The following CYP17A1 variants were observed in gnomAD, a reference collection of about 807,000 sequenced individuals.
CYP17A1 encodes the protein steroid 17-alpha-hydroxylase/17,20 lyase.
Under a neutral mutation model 38.5 loss-of-function variants are expected in CYP17A1, and 27 were observed. That is an observed-to-expected ratio of 0.70 (90% CI 0.52 to 0.97). The LOEUF is 0.97. Among genes scored for constraint, CYP17A1 ranks in the 50% least tolerant of loss-of-function variants. The pLI is 0.00. For synonymous variants in CYP17A1, 263 were observed against 253.3 expected, an observed-to-expected ratio of 1.04 and a Z score of -0.36; for missense variants, 549 against 645.9, an observed-to-expected ratio of 0.85 and a Z score of 1.63.
intron 3 of CYP17A1, chr10:102,834,517 T>C (rs1844134160): frequency 8.5e-6 from 5 of 585,082 alleles, no homozygotes; most frequent in Admixed American, 3.0e-5. Context: ...CAGCGATGAA[T>C]GCGTATAGAA....
rs767962487 is a variant in CYP17A1, at chr10:102,834,968, G to T, written c.483C>A (p.Asn161Lys). 1 of 1,611,226 alleles carries T rather than the reference G, an allele frequency of 6.2e-7. No homozygotes were observed. Among genetic ancestry groups the T allele is most frequent in the Admixed American group, 1.7e-5 (1 of 59,994 alleles). Residue 161 changes from asparagine (N) to lysine (K), a missense_variant, in exon 3 of 8, where the codon AAC becomes AAA. Physicochemically the swap from Asn to Lys is moderately conservative, Grantham distance 94 (BLOSUM62 0). Transcript: ENST00000369887. ...GAAAGGAGATGTCTATGGACTGTCC[G>T]TTGTGGGTGGCCAGCATATCACACA... ...STLCDMLATH[N>K]GQSIDISFPV...
intron 7 of CYP17A1, 140 bp from the exon 8 acceptor site, chr10:102,831,125 G>T (rs1310444208): frequency 5.6e-6 from 4 of 718,948 alleles, no homozygotes; most frequent in Non-Finnish European, 1.0e-5. Flanking sequence ...GGGAACCCCC[G>T]CCTGGGGAGA....
intron 7 of CYP17A1, 152 bp downstream of exon 7, chr10:102,831,356 G>C: frequency 7.5e-7 from 1 of 1,338,140 alleles, no homozygotes; most frequent in Non-Finnish European, 1.0e-6. Context: ...GTTTGGGTAA[G>C]TCTATGGCAG....
intron 1 of CYP17A1, chr10:102,836,845 T>A (rs374249418): frequency 9.0e-4 from 529 of 587,356 alleles, no homozygotes; most frequent in African/African-American, 7.6e-3. Flanking sequence ...TCCCACCTCC[T>A]GGGCAGCCTG....
chr10:102,833,995 C>G (rs1489861261), intron 4 of CYP17A1, 41 bp downstream of exon 4: 2 of 883,504 alleles, frequency 2.3e-6, no homozygotes, highest in Admixed American at 3.4e-5. Flanking sequence ...CTTGTGATTA[C>G]TTTTAGCCTA....
In CYP17A1 at chr10:102,830,733, C is replaced by T; in HGVS notation, c.1496G>A (p.Trp499Ter). Residue 499 changes from tryptophan to a stop codon, truncating the protein, a stop_gained, in exon 8 of 8, where the codon TGG (tryptophan) becomes TAG (stop). Coordinates refer to ENST00000369887, the MANE Select transcript of CYP17A1 (RefSeq NM_000102.4). LOFTEE classifies it high-confidence loss of function. This position sits in a 1 kb window ranked among gnomAD's most constrained non-coding sequence, Gnocchi z 4.1. The stretch of plus-strand genomic sequence containing the variant: ...GCTACCCTCAGCCTGGGCTTCCCTC[C>T]AGGCCTGGCGCACCTTGATCTTCAC... ...FKVKIKVRQA[W>*]REAQAEGST The T allele has an allele frequency of 6.2e-7, 1 of 1,603,652 alleles. No individual in the cohort carries two copies. Among genetic ancestry groups the T allele is most frequent in the Non-Finnish European group, 8.5e-7 (1 of 1,172,742 alleles).
intron 3 of CYP17A1, 65 bp from the exon 4 acceptor site, chr10:102,834,187 C>A: frequency 1.2e-6 from 1 of 812,722 alleles, no homozygotes; most frequent in South Asian, 1.4e-5. Context: ...CTGCCAGAGT[C>A]TCTCCTGGAG....
At chr10:102,835,923 G>GCAGAT (rs1297309565) in intron 1 of CYP17A1, among the ~76,000 whole-genome samples, 1 of 152,180 alleles carries the variant, frequency 6.6e-6, no homozygotes, top group Non-Finnish European at 1.5e-5. Context: ...TTTGGAGAGT[G>GCAGAT]CAGATGTTTT....
rs970242783 is a variant in CYP17A1 at position 102,835,112 on chromosome 10, G to C, written c.437-98C>G. 2.8e-6 allele frequency: 3 copies of C among 1,078,408 alleles called. No homozygotes were observed. In the South Asian group the frequency reaches 3.8e-5, roughly 14 times the overall value. The allele number at this position is 1,078,408 out of a possible 1,614,324, so 66.8% of individuals were successfully genotyped here. A position where few individuals can be genotyped will look rare whatever the true frequency, so the allele number is the denominator to read the frequency against. On this transcript the variant is annotated intron_variant, in intron 2 of 7. Coordinates refer to ENST00000369887, the MANE Select transcript of CYP17A1 (RefSeq NM_000102.4). ...TAACAGGAGCGGGGGACAGATAGCA[G>C]ATGGCCACTAGATGGCAGCAGTAGC...
In CYP17A1 at chr10:102,837,353, C is replaced by T. The variant is rs774474909; in HGVS notation, c.9G>A (p.Glu3=). Reference sequence around the variant, plus strand: ...GGGTAAGCAGCAAGAGAGCCACGAGCTCCCACATGGTGGCTGGGTGCCGGC... The same window carrying T: ...GGGTAAGCAGCAAGAGAGCCACGAGTTCCCACATGGTGGCTGGGTGCCGGC... The part of the protein sequence containing the change: MW[E]LVALLLLTLA... The change falls in exon 1 of 8, where the codon GAG becomes GAA. Residue 3 remains glutamate (E), a synonymous_variant. Transcript: ENST00000369887. 1 of 1,609,128 alleles carries T rather than the reference C, an allele frequency of 6.2e-7. No homozygotes were observed. Among genetic ancestry groups the T allele is most frequent in the Non-Finnish European group, 8.5e-7 (1 of 1,175,486 alleles).
In CYP17A1 at chr10:102,830,963, C is replaced by A; in HGVS notation, c.1266G>T (p.Gly422=). 1 of 1,577,628 alleles carries A rather than the reference C, an allele frequency of 6.3e-7. No homozygotes were observed. Among genetic ancestry groups the A allele is most frequent in the South Asian group, 1.2e-5 (1 of 86,572 alleles). Residue 422 remains glycine (G), a synonymous_variant, in exon 8 of 8, where the codon GGG becomes GGT. Coordinates refer to ENST00000369887, the MANE Select transcript of CYP17A1 (RefSeq NM_000102.4). This position sits in a 1 kb window ranked among gnomAD's most constrained non-coding sequence, Gnocchi z 4.1. ...FMPERFLNPA[G]TQLISPSVSY... is the part of the protein sequence containing the mutation. ...TTACTGACGGTGAGATGAGCTGGGT[C>A]CCCGCTGGATTCAAGAAACGCTCTG...
At chr10:102,834,252 C>G in intron 3 of CYP17A1, 130 bp from the exon 4 acceptor site, 1 of 697,134 alleles carries the variant, frequency 1.4e-6, no homozygotes. Flanking sequence ...GACCTTCAGC[C>G]AGAATGGAAG....
In CYP17A1 at chr10:102,835,018, A is replaced by G; in HGVS notation, c.437-4T>C. The G allele has an allele frequency of 6.5e-7, 1 of 1,548,410 alleles. No individual in the cohort carries two copies. Among genetic ancestry groups the G allele is most frequent in the Non-Finnish European group, 8.9e-7 (1 of 1,126,760 alleles). The stretch of plus-strand genomic sequence containing the variant: ...AATGTACTGATTTCCTGACAAACTG[A>G]AGGGAGAGGGGGCATGAGGGTGGGA... On this transcript the variant is annotated splice_region_variant and splice_polypyrimidine_tract_variant and intron_variant, in intron 2 of 7. Transcript: ENST00000369887.
rs773265137 is a variant in CYP17A1, at chr10:102,831,567, TTGA to T, written c.1181_1183del (p.Ile394del). 1.2e-6 allele frequency: 2 copies of T among 1,613,842 alleles called. No homozygotes were observed. Among genetic ancestry groups the T allele is most frequent in the Admixed American group, 3.3e-5 (2 of 59,980 alleles). On this transcript the variant is annotated inframe_deletion, in exon 7 of 8. Coordinates refer to ENST00000369887, the MANE Select transcript of CYP17A1 (RefSeq NM_000102.4). ...CTCATTGTGATGCAGCGCCCACAGATTGATGATAACTTCTGTGCCCTTGTCCAC... is the reference window on the plus strand; with the variant it reads ...CTCATTGTGATGCAGCGCCCACAGATTGATAACTTCTGTGCCCTTGTCCAC...
chr10:102,835,075 C>A, intron 2 of CYP17A1, 61 bp from the exon 3 acceptor site: 1 of 1,176,630 alleles, frequency 8.5e-7, no homozygotes. Flanking sequence ...CCTCTCTGTA[C>A]CAGTTGCCTC....
In CYP17A1 at chr10:102,830,806, A is replaced by G; in HGVS notation, c.1423T>C (p.Ser475Pro). The G allele has an allele frequency of 1.9e-6, 3 of 1,592,856 alleles. No homozygotes were observed. Among genetic ancestry groups the G allele is most frequent in the South Asian group, 1.1e-5 (1 of 89,180 alleles). The change falls in exon 8 of 8, where the codon TCC becomes CCC. Residue 475 changes from serine to proline, a missense_variant. Ser to Pro is a moderately conservative substitution (Grantham distance 74). Around this residue, in one of 3 missense-constraint regions of CYP17A1, gnomAD observed 257 missense variants for 307.9 expected, o/e 0.83. Coordinates refer to ENST00000369887, the MANE Select transcript of CYP17A1 (RefSeq NM_000102.4). This position sits in a 1 kb window ranked among gnomAD's most constrained non-coding sequence, Gnocchi z 4.1. The part of the protein sequence containing the change: ...LEVPDDGQLP[S>P]LEGIPKVVFL... Reference sequence around the variant, plus strand: ...ACCACCTTGGGGATGCCTTCCAGGGAGGGCAGCTGCCCATCATCTGGCACC... The same window carrying G: ...ACCACCTTGGGGATGCCTTCCAGGGGGGGCAGCTGCCCATCATCTGGCACC...
intron 5 of CYP17A1, 115 bp from the exon 6 acceptor site, chr10:102,832,795 A>T: frequency 1.6e-6 from 2 of 1,290,162 alleles, no homozygotes; most frequent in Non-Finnish European, 2.2e-6. Flanking sequence ...CCTTCCCAGT[A>T]GTGGCTCTGG....
chr10:102,831,637 T>C, intron 6 of CYP17A1, 26 bp from the exon 7 acceptor site: 1 of 1,612,098 alleles, frequency 6.2e-7, no homozygotes, highest in Non-Finnish European at 8.5e-7. Context: ...AGAGGAAAAG[T>C]GGGTCTGGGA....
intron 3 of CYP17A1, 39 bp downstream of exon 3, chr10:102,834,746 G>A (rs1203404307): frequency 1.2e-6 from 2 of 1,613,672 alleles, no homozygotes; most frequent in African/African-American, 1.3e-5. Context: ...CAATGTCAGG[G>A]TCTACTAGAA....
Sources: gnomAD v4.1 joint callset for allele counts (sites outside exome capture counted in the v4.1 genomes callset) on GRCh38, gnomAD v4.1.1 for gene constraint, gnomAD v4.1.1 regional missense constraint, Gnocchi (gnomAD v3.1) non-coding constraint, MANE v1.5 for transcripts, NCBI Gene and HGNC (gene_info 2026-07-23, HGNC 2026-07-21) for gene names.